Variants in ZZZ3 observed in about 807,000 individuals in gnomAD.
The protein encoded by ZZZ3 is zinc finger ZZ-type containing 3.
ZZZ3 carries 22 observed loss-of-function variants against 95.2 expected under a neutral mutation model. The observed-to-expected ratio is 0.23, with a 90% CI of 0.17 to 0.33. ZZZ3 has a LOEUF of 0.33. Among genes scored for constraint, ZZZ3 ranks in the 10% least tolerant of loss-of-function variants. ZZZ3 has a pLI of 1.00. For synonymous variants in ZZZ3, 335 were observed against 358.9 expected (o/e 0.93, Z 0.75); for missense variants, 885 against 1,066.5 (o/e 0.83, Z 2.37).
At chr1:77,631,687 G>T (rs1197615878) in intron 5 of ZZZ3, among the ~76,000 whole-genome samples, 163 bp downstream of exon 5, 1 of 152,160 alleles carries the variant, frequency 6.6e-6, no homozygotes, top group Admixed American at 6.5e-5. Flanking sequence ...TTGAGTTTAA[G>T]TCTTTTTTTG....
intron 9 of ZZZ3, chr1:77,580,761 C>G: frequency 3.0e-6 from 1 of 327,918 alleles, no homozygotes; most frequent in South Asian, 5.3e-5. Context: ...TCCCGAGTAG[C>G]TGGGATTATA....
intron 5 of ZZZ3, among the ~76,000 whole-genome samples, chr1:77,625,729 C>T (rs1450802794): frequency 5.9e-5 from 9 of 152,024 alleles, no homozygotes; most frequent in Admixed American, 2.6e-4. Context: ...GTGGCTCACA[C>T]CTGTAATCCC....
At chr1:77,583,638 C>T (rs968546988) in intron 6 of ZZZ3, among the ~76,000 whole-genome samples, 1 of 152,138 alleles carries the variant, frequency 6.6e-6, no homozygotes, top group Non-Finnish European at 1.5e-5. Flanking sequence ...GGCTGCTCTC[C>T]TAACACCTGG....
At chr1:77,664,025 C>G (rs1454402912) in intron 1 of ZZZ3, among the ~76,000 whole-genome samples, 1 of 151,710 alleles carries the variant, frequency 6.6e-6, no homozygotes, top group East Asian at 1.9e-4. Flanking sequence ...GTTGGGATTA[C>G]AGGTGTGAGC....
Position 77,565,721 on chromosome 1 carries a change from T to C in ZZZ3, c.2631A>G (p.Thr877=). The change falls in exon 15 of 15, where the codon ACA becomes ACG. Residue 877 remains threonine (T), a synonymous_variant. Coordinates refer to ENST00000370801, the MANE Select transcript of ZZZ3 (RefSeq NM_015534.6). ...ACACACAGTAGTCTCTGTCTAAGAATGTCTCTGACCTATAAATAGGTTCTA... is the reference window on the plus strand; with the variant it reads ...ACACACAGTAGTCTCTGTCTAAGAACGTCTCTGACCTATAAATAGGTTCTA... The part of the protein sequence containing the change: ...HQLEPIYRSE[T]FLDRDYCVSQ... The C allele has an allele frequency of 6.2e-7, 1 of 1,613,870 alleles. No individual in the cohort carries two copies. Among genetic ancestry groups the C allele is most frequent in the Non-Finnish European group, 8.5e-7 (1 of 1,179,798 alleles).
intron 12 of ZZZ3, among the ~76,000 whole-genome samples, chr1:77,569,969 G>A (rs912199642): frequency 2.0e-5 from 3 of 151,968 alleles, no homozygotes; most frequent in Non-Finnish European, 2.9e-5. Flanking sequence ...TCCCAATCCC[G>A]GACCAGACAA....
chr1:77,637,474 A>G (rs1256023781), intron 4 of ZZZ3, among the ~76,000 whole-genome samples: 3 of 152,084 alleles, frequency 2.0e-5, no homozygotes, highest in Admixed American at 6.6e-5. Context: ...CACTTTCTAT[A>G]ATTATCTAAT....
In ZZZ3 at chr1:77,633,375, T is replaced by C. The variant is rs2100854258; in HGVS notation, c.-21A>G. On this transcript the variant is annotated 5_prime_UTR_variant, in exon 5 of 15. Transcript: ENST00000370801. ...GCCATACTATGGCAAGTCCCTACAA[T>C]ACGGTCATCATGATCCACTCATTGG... The C allele has an allele frequency of 6.4e-7, 1 of 1,560,532 alleles. No individual in the cohort carries two copies. The highest frequency in any genetic ancestry group is 2.3e-5 in the East Asian group (1 of 44,412).
chr1:77,586,689 TATGATAAAC>T (rs1455472252), intron 5 of ZZZ3, among the ~76,000 whole-genome samples: 4 of 152,336 alleles, frequency 2.6e-5, no homozygotes, highest in Non-Finnish European at 5.9e-5. Context: ...TTGGAAGGCC[TATGATAAAC>T]ATTGGTAAAG....
intron 5 of ZZZ3, among the ~76,000 whole-genome samples, chr1:77,622,705 G>A (rs1047429265): frequency 1.1e-4 from 17 of 152,038 alleles, no homozygotes; most frequent in African/African-American, 3.9e-4. Flanking sequence ...CCATCCTCAA[G>A]AACTTTATCT....
At chr1:77,612,552 G>C (rs1422046700) in intron 5 of ZZZ3, among the ~76,000 whole-genome samples, 1 of 152,000 alleles carries the variant, frequency 6.6e-6, no homozygotes, top group Non-Finnish European at 1.5e-5. Flanking sequence ...TCCATTGACA[G>C]ACAACGGACA....
chr1:77,654,942 C>T (rs1670138238), intron 1 of ZZZ3, among the ~76,000 whole-genome samples: 3 of 152,126 alleles, frequency 2.0e-5, no homozygotes, highest in African/African-American at 7.2e-5. Context: ...AGCCACCACA[C>T]CGAGCCAAGA....
chr1:77,626,704 C>T (rs961916855), intron 5 of ZZZ3, among the ~76,000 whole-genome samples: 8 of 152,156 alleles, frequency 5.3e-5, no homozygotes, highest in South Asian at 2.1e-4. Context: ...GGGGTAAATC[C>T]GGCTATTATT....
chr1:77,674,826 C>T (rs1003871644), intron 1 of ZZZ3, among the ~76,000 whole-genome samples: 3 of 151,664 alleles, frequency 2.0e-5, no homozygotes, highest in African/African-American at 7.3e-5. Context: ...GTGGCGTGTG[C>T]CTGTAGTCCC....
At chr1:77,654,111 C>A (rs1237051815) in intron 1 of ZZZ3, among the ~76,000 whole-genome samples, 2 of 149,766 alleles carry the variant, frequency 1.3e-5, no homozygotes, top group African/African-American at 4.9e-5. Context: ...TGGCGTGAAC[C>A]CAGGAGGCGG....
chr1:77,661,035 G>T (rs1025918913), intron 1 of ZZZ3, among the ~76,000 whole-genome samples: 9 of 147,684 alleles, frequency 6.1e-5, no homozygotes, highest in African/African-American at 2.3e-4. Context: ...TCATTAAATT[G>T]AGCTTTAATT....
Position 77,563,351 on chromosome 1 carries a change from TA to T in ZZZ3, c.*2288del, listed in dbSNP as rs1448742344. On this transcript the variant is annotated 3_prime_UTR_variant, in exon 15 of 15. Transcript: ENST00000370801. ...CCCATTATTCCTGCAACTCTCAAAT[TA>T]AAACAATAACAAAACACTACCTACT... 3 of 152,134 alleles carry T rather than the reference TA, an allele frequency of 2.0e-5. No homozygotes were observed. The highest frequency in any genetic ancestry group is 4.4e-5 in the Non-Finnish European group (3 of 68,022). The allele number at this position is 152,134 out of a possible 1,614,324, so 9.4% of individuals were successfully genotyped here.
At chr1:77,571,865 C>A (rs756058885) in intron 12 of ZZZ3, among the ~76,000 whole-genome samples, 17 of 152,148 alleles carry the variant, frequency 1.1e-4, no homozygotes, top group African/African-American at 4.1e-4. Flanking sequence ...AATAATGTGA[C>A]TGTACATAGC....
At chr1:77,584,069 T>C (rs1662811401) in intron 6 of ZZZ3, among the ~76,000 whole-genome samples, 1 of 152,190 alleles carries the variant, frequency 6.6e-6, no homozygotes. Flanking sequence ...TAAAATAGAT[T>C]TTGTTTTGAT....
Sources: allele counts gnomAD v4.1 joint callset (sites outside exome capture counted in the v4.1 genomes callset), GRCh38; gene constraint gnomAD v4.1.1; transcripts MANE v1.5; gene names NCBI Gene and HGNC (gene_info 2026-07-23, HGNC 2026-07-21).